Variants in NAV1 observed in about 807,000 individuals in gnomAD.
The protein encoded by NAV1 is neuron navigator 1.
In NAV1, 18 loss-of-function variants were observed where a neutral mutation model predicts 175.2. The observed-to-expected ratio is 0.10, with a 90% CI of 0.07 to 0.15. NAV1 has a LOEUF of 0.15. Among genes scored for constraint, NAV1 ranks in the 10% least tolerant of loss-of-function variants. The probability of loss-of-function intolerance (pLI) is 1.00; values close to 1 mark genes in which losing one functional copy is unlikely to be tolerated. For synonymous variants in NAV1, 897 were observed against 978.7 expected, an observed-to-expected ratio of 0.92 and a Z score of 1.56; for missense variants, 1,731 against 2,436.6, an observed-to-expected ratio of 0.71 and a Z score of 6.10.
rs924022137 is a variant in NAV1, at chr1:201,750,075, T to C, written c.1227-30346T>C. ...TGACATTAGACTTGATAATGCACTG[T>C]AGGTATGGGTGTGAAGACTCAAGTT... is the stretch of plus-strand genomic sequence containing the variant. On this transcript the variant is annotated intron_variant, in intron 3 of 29. Coordinates refer to ENST00000367296, the Ensembl canonical transcript of NAV1. The surrounding 1 kb of genome is among the most constrained non-coding windows in gnomAD (Gnocchi z 4.1). Among the ~76,000 whole-genome samples, 5 of 152,178 alleles carry C rather than the reference T, an allele frequency of 3.3e-5. No homozygotes were observed. The highest frequency in any genetic ancestry group is 1.2e-4 in the African/African-American group (5 of 41,440).
intron 28 of NAV1, among the ~76,000 whole-genome samples, chr1:201,814,144 G>A (rs1307513232): frequency 6.6e-6 from 1 of 152,056 alleles, no homozygotes; most frequent in Non-Finnish European, 1.5e-5. Context: ...ATTTTAGAAG[G>A]CTGAGGCGAG....
chr1:201,795,229 C>T (rs944031504), intron 15 of NAV1: 1 of 152,312 alleles, frequency 6.6e-6, no homozygotes, highest in African/African-American at 2.4e-5. Context: ...ACTGATTTGC[C>T]TTACTCTGAA....
At chr1:201,752,433 G>A (rs980947249) in intron 3 of NAV1, among the ~76,000 whole-genome samples, 3 of 152,162 alleles carry the variant, frequency 2.0e-5, no homozygotes, top group Admixed American at 2.0e-4. Context: ...CAGAATGTAT[G>A]AATTAAGAGG....
intron 3 of NAV1, among the ~76,000 whole-genome samples, chr1:201,754,436 G>A (rs988684127): frequency 2.0e-5 from 3 of 152,216 alleles, no homozygotes; most frequent in Admixed American, 6.5e-5. Flanking sequence ...TAAATGCAAC[G>A]CAGAAGTCAG....
chr1:201,670,460 G>A (rs1186939867), intron 1 of NAV1, among the ~76,000 whole-genome samples: 1 of 142,286 alleles, frequency 7.0e-6, no homozygotes, highest in Non-Finnish European at 1.5e-5. Flanking sequence ...TATAAATTTT[G>A]AGCTCAGGAA....
chr1:201,551,215 C>A (rs879614947), intron 1 of NAV1, among the ~76,000 whole-genome samples: 4 of 152,120 alleles, frequency 2.6e-5, no homozygotes, highest in Admixed American at 1.3e-4. Flanking sequence ...CAGAAGGGGC[C>A]AGTGGACTGG....
chr1:201,778,020 A>T (rs1380728384), intron 3 of NAV1, among the ~76,000 whole-genome samples: 4 of 152,186 alleles, frequency 2.6e-5, no homozygotes, highest in Non-Finnish European at 5.9e-5. Context: ...CTTAACTCTC[A>T]TGTAATGACA....
intron 3 of NAV1, among the ~76,000 whole-genome samples, chr1:201,759,864 T>A (rs1161605772): frequency 6.6e-6 from 1 of 152,198 alleles, no homozygotes. Flanking sequence ...GGGTGCTAGT[T>A]GAGGGATTGA....
rs1671478951 is a variant in NAV1, at chr1:201,702,676, CTCTCTCTCTCTCT to C, written c.758-10140_758-10128del. ...GGGTGAATTTTGGTATGTGAATTCTCTCTCTCTCTCTCTCTCTCTCTCTCTCTCTCTCTCTCTC... is the reference window on the plus strand; with the variant it reads ...GGGTGAATTTTGGTATGTGAATTCTCCTCTCTCTCTCTCTCTCTCTCTCTC... On this transcript the variant is annotated intron_variant, in intron 1 of 29. Coordinates refer to ENST00000367296, the Ensembl canonical transcript of NAV1. Among the ~76,000 whole-genome samples the C allele has an allele frequency of 4.6e-4, 58 of 125,732 alleles. 6 individuals are homozygous for C. Among genetic ancestry groups the C allele is most frequent in the African/African-American group, 1.2e-3 (38 of 30,742 alleles). The allele number at this position is 125,732 out of a possible 152,430, so 82.5% of individuals were successfully genotyped here. A position where few individuals can be genotyped will look rare whatever the true frequency, so the allele number is the denominator to read the frequency against.
intron 1 of NAV1, among the ~76,000 whole-genome samples, chr1:201,655,290 C>T (rs12030248): frequency 0.32 from 48,975 of 152,130 alleles, 8,531 homozygotes; most frequent in South Asian, 0.41. Context: ...AAAGCCTTCT[C>T]CCTCTGCCTG....
At chr1:201,600,102 G>C (rs556947588) in intron 2 of NAV1, among the ~76,000 whole-genome samples, 1 of 152,256 alleles carries the variant, frequency 6.6e-6, no homozygotes, top group Non-Finnish European at 1.5e-5. Context: ...CCAACTCCTG[G>C]GACGTAGGCC....
At chr1:201,643,731 G>T (rs1397003787), upstream of NAV1, among the ~76,000 whole-genome samples, 1 of 151,958 alleles carries the variant, frequency 6.6e-6, no homozygotes, top group East Asian at 1.9e-4. Context: ...ACCTTTCAAG[G>T]TCAATGAGCT....
intron 8 of NAV1, among the ~76,000 whole-genome samples, chr1:201,786,051 C>T (rs1676724701): frequency 6.6e-6 from 1 of 152,058 alleles, no homozygotes; most frequent in Non-Finnish European, 1.5e-5. Flanking sequence ...CCTCAGCCTC[C>T]CAAAGTGCTG....
intron 17 of NAV1, among the ~76,000 whole-genome samples, chr1:201,806,993 CT>C (rs756951868): frequency 1.8e-4 from 27 of 152,074 alleles, no homozygotes; most frequent in Non-Finnish European, 3.5e-4. Flanking sequence ...TTGACCCCTC[CT>C]TTACTCTCTG....
At chr1:201,772,987 C>T (rs1675692526) in intron 3 of NAV1, among the ~76,000 whole-genome samples, 1 of 148,496 alleles carries the variant, frequency 6.7e-6, no homozygotes, top group Non-Finnish European at 1.5e-5. Flanking sequence ...GAGCCGAGAT[C>T]ATGCCACTGT....
At chr1:201,612,308 A>G (rs543013357) in intron 2 of NAV1, among the ~76,000 whole-genome samples, 1 of 152,072 alleles carries the variant, frequency 6.6e-6, no homozygotes, top group African/African-American at 2.4e-5. Context: ...AAACAAAATT[A>G]TCAGGCATGG....
At chr1:201,626,224 A>G (rs1668326459) in intron 1 of NAV1, among the ~76,000 whole-genome samples, 1 of 152,238 alleles carries the variant, frequency 6.6e-6, no homozygotes, top group Non-Finnish European at 1.5e-5. Flanking sequence ...ATAGCCAAGG[A>G]GGTGCCATCT....
intron 3 of NAV1, among the ~76,000 whole-genome samples, chr1:201,731,472 A>G (rs1331730734): frequency 6.6e-6 from 1 of 152,084 alleles, no homozygotes; most frequent in African/African-American, 2.4e-5. Flanking sequence ...CAGGGCGAGT[A>G]TATTCTCACC....
chr1:201,805,986 TCTC>T (rs1465601889), intron 17 of NAV1, among the ~76,000 whole-genome samples: 4 of 116,996 alleles, frequency 3.4e-5, no homozygotes, highest in Non-Finnish European at 5.4e-5. Flanking sequence ...TCTCTCTCTC[TCTC>T]TTTTTTTTTT....
Sources: gnomAD v4.1 joint callset for allele counts (sites outside exome capture counted in the v4.1 genomes callset) on GRCh38, gnomAD v4.1.1 for gene constraint, Gnocchi (gnomAD v3.1) non-coding constraint, MANE v1.5 for transcripts, NCBI Gene and HGNC (gene_info 2026-07-23, HGNC 2026-07-21) for gene names.